Variants in HDAC4 observed in about 807,000 individuals in gnomAD.
HDAC4 encodes histone deacetylase A.
A neutral mutation model predicts 135.1 loss-of-function variants in HDAC4; 16 were observed. That is an observed-to-expected ratio of 0.12 (90% CI 0.08 to 0.18). The LOEUF is 0.18. HDAC4 is among the 10% of genes least tolerant of loss of function. The pLI is 1.00. For missense variants in HDAC4, 1,143 were observed against 1,511.8 expected, an observed-to-expected ratio of 0.76 and a Z score of 4.05; for synonymous variants, 685 against 653.4, an observed-to-expected ratio of 1.05 and a Z score of -0.74.
chr2:239,171,169 CAAAAAAAAAA>C (rs34204026), intron 5 of HDAC4, among the ~76,000 whole-genome samples: 1 of 114,384 alleles, frequency 8.7e-6, no homozygotes, highest in Admixed American at 8.3e-5. Context: ...ACAATCTGAC[CAAAAAAAAAA>C]AAAAAAAAAT....
chr2:239,146,060 CG>C lies in HDAC4; in HGVS notation c.734-1347del, dbSNP rs1355155043. 6.6e-6 allele frequency among the ~76,000 whole-genome samples: 1 copy of C among 152,152 alleles called. No homozygotes were observed. Among genetic ancestry groups the C allele is most frequent in the East Asian group, 1.9e-4 (1 of 5,186 alleles). On this transcript the variant is annotated intron_variant, in intron 7 of 26. Transcript: ENST00000543185. This position sits in a 1 kb window ranked among gnomAD's most constrained non-coding sequence, Gnocchi z 4.5. ...GGAGCGAGGCCTCTGTGCTGTGGCA[CG>C]GGGGACCTGGATGACGACAGATGAC...
intron 19 of HDAC4, among the ~76,000 whole-genome samples, chr2:239,085,059 C>G (rs1038681306): frequency 6.6e-6 from 1 of 151,524 alleles, no homozygotes; most frequent in Non-Finnish European, 1.5e-5. Flanking sequence ...CACACACACA[C>G]ACACACACAC....
At chr2:239,099,053 A>G (rs555443312) in intron 16 of HDAC4, among the ~76,000 whole-genome samples, 1 of 152,388 alleles carries the variant, frequency 6.6e-6, no homozygotes, top group Non-Finnish European at 1.5e-5. Context: ...ACTTCAATAA[A>G]GAAACCAAAA....
At chr2:239,070,543 C>T (rs892523079) in intron 22 of HDAC4, among the ~76,000 whole-genome samples, 8 of 152,200 alleles carry the variant, frequency 5.3e-5, no homozygotes, top group African/African-American at 9.7e-5. Flanking sequence ...TTTAGGCTGC[C>T]GCCTTCGATC....
At chr2:239,174,198 T>G (rs1467018629) in intron 5 of HDAC4, among the ~76,000 whole-genome samples, 1 of 152,188 alleles carries the variant, frequency 6.6e-6, no homozygotes, top group African/African-American at 2.4e-5. Flanking sequence ...AAGGGAGAAT[T>G]TCTGTGCCTG....
At chr2:239,401,600 ACG>A (rs1290587662), upstream of HDAC4, 2 of 248,306 alleles carry the variant, frequency 8.1e-6, no homozygotes, top group East Asian at 3.5e-4. Flanking sequence ...GTGCAGGCTA[ACG>A]CGGGGAGCCG....
In HDAC4 at chr2:239,245,481, G is replaced by T. The variant is rs62188570; in HGVS notation, c.23-8817C>A. Among the ~76,000 whole-genome samples, 22,646 of 152,222 alleles carry T rather than the reference G, an allele frequency of 0.15. 1,878 individuals carry two copies. Among genetic ancestry groups the T allele is most frequent in the African/African-American group, 0.2 (8,317 of 41,514 alleles). On this transcript the variant is annotated intron_variant, in intron 2 of 26. Transcript: ENST00000543185. This position sits in a 1 kb window ranked among gnomAD's most constrained non-coding sequence, Gnocchi z 4.4. ...ACATCGTTTGGGTATAAGATGATAT[G>T]TAGGAATCATGATTCCTTCTGCTGA...
At chr2:239,268,736 G>A (rs918020302) in intron 2 of HDAC4, among the ~76,000 whole-genome samples, 1 of 152,190 alleles carries the variant, frequency 6.6e-6, no homozygotes, top group Non-Finnish European at 1.5e-5. Flanking sequence ...GGAAACCGCA[G>A]AGATCCAGGT....
chr2:239,395,198 G>A (rs1236737766), intron 1 of HDAC4, among the ~76,000 whole-genome samples: 1 of 152,240 alleles, frequency 6.6e-6, no homozygotes. Context: ...CACAGCAAGT[G>A]CTATCAGATG....
At chr2:239,279,810 C>T (rs1357493000) in intron 2 of HDAC4, among the ~76,000 whole-genome samples, 2 of 152,234 alleles carry the variant, frequency 1.3e-5, no homozygotes, top group South Asian at 2.1e-4. Context: ...AGGTGGAAAC[C>T]GCGCCCTCAG....
chr2:239,121,528 C>A (rs745576755), intron 12 of HDAC4, among the ~76,000 whole-genome samples: 96 of 152,326 alleles, frequency 6.3e-4, no homozygotes, highest in Non-Finnish European at 1.1e-3. Flanking sequence ...CTGCGGATGG[C>A]GTGTGCTGCC....
intron 2 of HDAC4, among the ~76,000 whole-genome samples, chr2:239,248,581 T>C (rs2048603632): frequency 6.6e-6 from 1 of 152,170 alleles, no homozygotes; most frequent in African/African-American, 2.4e-5. Flanking sequence ...AAACATAACA[T>C]CCTGCTTACA....
intron 6 of HDAC4, among the ~76,000 whole-genome samples, chr2:239,163,398 G>A (rs1288769551): frequency 1.3e-5 from 2 of 152,166 alleles, no homozygotes; most frequent in African/African-American, 4.8e-5. Flanking sequence ...TCCCTCTGCA[G>A]GGGGGCCCAC....
intron 1 of HDAC4, among the ~76,000 whole-genome samples, chr2:239,392,923 G>A (rs1191520372): frequency 1.3e-5 from 2 of 152,218 alleles, no homozygotes; most frequent in African/African-American, 2.4e-5. Context: ...GGCACTGGGG[G>A]TGCCAGCTCG....
Position 239,352,293 on chromosome 2 carries a change from T to C in HDAC4, c.22+385A>G, listed in dbSNP as rs185568261. 2.0e-5 allele frequency among the ~76,000 whole-genome samples: 3 copies of C among 152,138 alleles called. No individual in the cohort carries two copies. The highest frequency in any genetic ancestry group is 2.1e-4 in the South Asian group (1 of 4,814). ...CTTCCCAGACAGCCCAGACGCCCAG[T>C]TGGAGGAGCACTCCCACCCCTCACA... On this transcript the variant is annotated intron_variant, in intron 2 of 26. Transcript: ENST00000543185. This position sits in a 1 kb window ranked among gnomAD's most constrained non-coding sequence, Gnocchi z 4.4.
chr2:239,330,554 G>A (rs7571345), intron 2 of HDAC4, among the ~76,000 whole-genome samples: 50,142 of 152,156 alleles, frequency 0.33, 9,323 homozygotes, highest in Non-Finnish European at 0.43. Flanking sequence ...GCCAGTGACC[G>A]CGCACAGTGG....
intron 3 of HDAC4, among the ~76,000 whole-genome samples, chr2:239,190,484 C>T (rs936051079): frequency 3.9e-5 from 6 of 152,218 alleles, no homozygotes; most frequent in East Asian, 1.9e-4. Context: ...AAAGCGCGGG[C>T]GCCAGGTCTC....
chr2:239,272,449 A>T (rs537122670), intron 2 of HDAC4, among the ~76,000 whole-genome samples: 3 of 152,278 alleles, frequency 2.0e-5, no homozygotes, highest in African/African-American at 7.2e-5. Flanking sequence ...ATAAAGGGCC[A>T]GACAACTCAA....
intron 2 of HDAC4, chr2:239,298,736 T>A: frequency 5.3e-6 from 2 of 376,590 alleles, no homozygotes; most frequent in Non-Finnish European, 7.3e-6. Flanking sequence ...GAAAGGCATT[T>A]AATCAAACAT....
Sources: gnomAD v4.1 joint callset for allele counts (sites outside exome capture counted in the v4.1 genomes callset) on GRCh38, gnomAD v4.1.1 for gene constraint, Gnocchi (gnomAD v3.1) non-coding constraint, MANE v1.5 for transcripts, NCBI Gene and HGNC (gene_info 2026-07-23, HGNC 2026-07-21) for gene names.